Variants in MAGT1 observed in about 807,000 individuals in gnomAD.
MAGT1 encodes magnesium transporter 1.
Under a neutral mutation model 28.4 loss-of-function variants are expected in MAGT1, and 4 were observed. The ratio of observed to expected loss-of-function variants is 0.14; its 90% confidence interval spans 0.07 to 0.32. The LOEUF is 0.32. Among genes scored for constraint, MAGT1 ranks in the 10% least tolerant of loss-of-function variants. The pLI is 1.00. For synonymous variants in MAGT1, 89 were observed against 89.7 expected (o/e 0.99, Z 0.04); for missense variants, 193 against 264.5 (o/e 0.73, Z 1.88).
At chrX:77,877,225 C>T (rs1442481488) in intron 1 of MAGT1, among the ~76,000 whole-genome samples, 1 of 110,482 alleles carries the variant, frequency 9.1e-6, no homozygotes, top group Non-Finnish European at 1.9e-5. Flanking sequence ...GATGTGGTGG[C>T]TCATGCCTCT....
chrX:77,888,933 T>A (rs2077074248), intron 1 of MAGT1, among the ~76,000 whole-genome samples: 1 of 110,306 alleles, frequency 9.1e-6, no homozygotes, highest in African/African-American at 3.3e-5. Flanking sequence ...ACCATCCAAT[T>A]ATACTTTTAA....
intron 1 of MAGT1, among the ~76,000 whole-genome samples, chrX:77,891,340 A>ATCTATCTG (rs1364787126): frequency 3.7e-5 from 4 of 107,247 alleles, no homozygotes; most frequent in African/African-American, 6.8e-5. Context: ...CTATCTATCT[A>ATCTATCTG]TCTATCTATC....
intron 7 of MAGT1, among the ~76,000 whole-genome samples, chrX:77,853,145 A>G (rs182190565): frequency 2.5e-3 from 286 of 112,198 alleles, no homozygotes; most frequent in Non-Finnish European, 3.6e-3. Context: ...CAAGAAAGTA[A>G]AAATATTCCT....
Position 77,880,769 on chromosome X carries a change from C to T in MAGT1, c.103-5172G>A, listed in dbSNP as rs1361638806. ...GGTCAGGACTTCGAGACCAGCCTGG[C>T]TAACATGGCAAAACCTCATCTCTAC... On this transcript the variant is annotated intron_variant, in intron 1 of 9. Coordinates refer to ENST00000618282, the MANE Select transcript of MAGT1 (RefSeq NM_001367916.1). Among the ~76,000 whole-genome samples, 12 of 108,698 alleles carry T rather than the reference C, an allele frequency of 1.1e-4. No individual in the cohort carries two copies. In the Admixed American group the frequency reaches 1.2e-3, roughly 11 times the overall value. 94.4% of individuals were successfully genotyped at this position (108,698 alleles called of 115,157 possible).
chrX:77,863,997 G>C (rs1030830943), intron 3 of MAGT1, among the ~76,000 whole-genome samples: 4 of 110,586 alleles, frequency 3.6e-5, no homozygotes, highest in Non-Finnish European at 7.6e-5. Context: ...TAGCCTGGGC[G>C]ACAGAGAAAG....
chrX:77,890,902 A>G (rs968410607), intron 1 of MAGT1, among the ~76,000 whole-genome samples: 14 of 111,162 alleles, frequency 1.3e-4, no homozygotes, highest in African/African-American at 4.6e-4. Context: ...TTTTTGGAAA[A>G]CTGGGGAGGG....
intron 8 of MAGT1, 92 bp downstream of exon 8, chrX:77,841,153 AC>A (rs2076933578): frequency 3.0e-6 from 2 of 673,233 alleles, no homozygotes; most frequent in African/African-American, 4.3e-5. Context: ...AAAATAACCT[AC>A]TTATCCTATA....
intron 8 of MAGT1, among the ~76,000 whole-genome samples, chrX:77,835,331 A>G (rs1557213816): frequency 9.0e-6 from 1 of 111,720 alleles, no homozygotes; most frequent in African/African-American, 3.2e-5. Context: ...ACTACTCAAC[A>G]TCAATGATCA....
At chrX:77,887,010 T>C (rs2149029137) in intron 1 of MAGT1, among the ~76,000 whole-genome samples, 1 of 112,225 alleles carries the variant, frequency 8.9e-6, no homozygotes, top group African/African-American at 3.2e-5. Context: ...GCCTTAATAC[T>C]TCCTAGACAC....
chrX:77,875,165 G>A (rs1265113723), intron 2 of MAGT1, among the ~76,000 whole-genome samples: 1 of 110,801 alleles, frequency 9.0e-6, no homozygotes, highest in African/African-American at 3.3e-5. Context: ...GCCCCGCCAA[G>A]TTGATACTAA....
intron 2 of MAGT1, among the ~76,000 whole-genome samples, chrX:77,872,556 T>C (rs1428157531): frequency 8.9e-6 from 1 of 111,736 alleles, no homozygotes; most frequent in Non-Finnish European, 1.9e-5. Context: ...AACAGTAACC[T>C]TTAGTCCCAA....
In MAGT1 at chrX:77,826,517, C is replaced by T. The variant is rs951326558; in HGVS notation, c.*2703G>A. On this transcript the variant is annotated 3_prime_UTR_variant, in exon 10 of 10. Coordinates refer to ENST00000618282, the MANE Select transcript of MAGT1 (RefSeq NM_001367916.1). The stretch of plus-strand genomic sequence containing the variant: ...ACCAGAAAAGTAAATGAAGAGTCTA[C>T]TTAAGGCACTTCATATGAAAGCTAA... 8.9e-6 allele frequency: 1 copy of T among 112,439 alleles called. No homozygotes were observed. Among genetic ancestry groups the T allele is most frequent in the African/African-American group, 3.2e-5 (1 of 30,935 alleles). 9.3% of individuals were successfully genotyped at this position (112,439 alleles called of 1,213,427 possible).
At chrX:77,854,004 C>T in intron 6 of MAGT1, 40 bp from the exon 7 acceptor site, 5 of 1,034,502 alleles carry the variant, frequency 4.8e-6, no homozygotes, top group Non-Finnish European at 6.8e-6. Flanking sequence ...TTTAAGTATA[C>T]ATTAAATGTT....
At chrX:77,854,067 C>A in intron 6 of MAGT1, 103 bp from the exon 7 acceptor site, 1 of 622,472 alleles carries the variant, frequency 1.6e-6, no homozygotes. Flanking sequence ...ATTAATTCAC[C>A]TGATAAACCA....
At chrX:77,857,818 A>G (rs2076985135) in intron 3 of MAGT1, among the ~76,000 whole-genome samples, 1 of 112,387 alleles carries the variant, frequency 8.9e-6, no homozygotes. Context: ...GAATACATTT[A>G]TGAGCACTAA....
intron 2 of MAGT1, among the ~76,000 whole-genome samples, chrX:77,873,017 A>C (rs1557217436): frequency 8.9e-6 from 1 of 112,014 alleles, no homozygotes; most frequent in Non-Finnish European, 1.9e-5. Flanking sequence ...GAATTCCATT[A>C]ATTTGCATTT....
At chrX:77,852,693 T>A (rs1010666012) in intron 7 of MAGT1, among the ~76,000 whole-genome samples, 3 of 110,631 alleles carry the variant, frequency 2.7e-5, no homozygotes, top group South Asian at 7.9e-4. Context: ...CTGGGCTCAA[T>A]TGATCCTCCC....
intron 7 of MAGT1, among the ~76,000 whole-genome samples, chrX:77,851,793 A>G (rs782431053): frequency 9.0e-6 from 1 of 111,731 alleles, no homozygotes; most frequent in African/African-American, 3.2e-5. Flanking sequence ...CTGGGATTAC[A>G]GGTGTGAGCC....
At chrX:77,843,539 A>G (rs1323181293) in intron 7 of MAGT1, among the ~76,000 whole-genome samples, 1 of 111,685 alleles carries the variant, frequency 9.0e-6, no homozygotes, top group Admixed American at 9.6e-5. Flanking sequence ...CCTGTGCCCC[A>G]TCTTGCATTC....
Sources: gnomAD v4.1 joint callset for allele counts (sites outside exome capture counted in the v4.1 genomes callset) on GRCh38, gnomAD v4.1.1 for gene constraint, MANE v1.5 for transcripts, NCBI Gene and HGNC (gene_info 2026-07-23, HGNC 2026-07-21) for gene names.